Variants in MRTFA observed in about 807,000 individuals in gnomAD.
MRTFA encodes myocardin-related transcription factor A.
MRTFA carries 20 observed loss-of-function variants against 83.5 expected under a neutral mutation model. That is an observed-to-expected ratio of 0.24 (90% confidence interval 0.17 to 0.35). MRTFA has a LOEUF of 0.35. MRTFA is among the 10% of genes least tolerant of loss of function. The pLI is 1.00. For synonymous variants in MRTFA, 659 were observed against 541.2 expected (o/e 1.22, Z -3.02); for missense variants, 1,200 against 1,224.7 (o/e 0.98, Z 0.30).
intron 2 of MRTFA, among the ~76,000 whole-genome samples, chr22:40,576,534 A>T (rs1273146925): frequency 6.6e-6 from 1 of 152,168 alleles, no homozygotes; most frequent in Non-Finnish European, 1.5e-5. Flanking sequence ...AATGCAAGGG[A>T]TTCTAAATCG....
At chr22:40,454,222 G>A (rs1169883063) in intron 4 of MRTFA, among the ~76,000 whole-genome samples, 1 of 152,148 alleles carries the variant, frequency 6.6e-6, no homozygotes, top group Admixed American at 6.5e-5. Flanking sequence ...CAGGCTAAGC[G>A]ATCCTCTTGC....
intron 3 of MRTFA, among the ~76,000 whole-genome samples, chr22:40,542,854 C>T (rs1410326241): frequency 6.6e-6 from 1 of 152,212 alleles, no homozygotes; most frequent in Non-Finnish European, 1.5e-5. Flanking sequence ...TAAAAACACA[C>T]ATTTGCAAGA....
rs1312680404 is a variant in MRTFA, at chr22:40,451,371, C to G, written c.307+11850G>C. On this transcript the variant is annotated intron_variant, in intron 4 of 14. Transcript: ENST00000355630. ...GGAGAAGGGACTGCATATTCTGGGG[C>G]AAGCAACGATCCAAACTAGCAGTCA... Among the ~76,000 whole-genome samples the G allele has an allele frequency of 1.3e-5, 2 of 152,124 alleles. 1 individual carries two copies. Among genetic ancestry groups the G allele is most frequent in the Non-Finnish European group, 2.9e-5 (2 of 68,026 alleles).
At chr22:40,508,513 CAAAAAAAAAAAA>C (rs1175724448) in intron 3 of MRTFA, among the ~76,000 whole-genome samples, 90 of 26,064 alleles carry the variant, frequency 3.5e-3, no homozygotes, top group Admixed American at 0.012. Context: ...CTCCGTCTCT[CAAAAAAAAAAAA>C]AAAAAAAAAA....
Position 40,418,767 on chromosome 22 carries a change from C to T in MRTFA, c.1971G>A (p.Gln657=). 6.4e-7 allele frequency: 1 copy of T among 1,558,410 alleles called. No individual in the cohort carries two copies. Among genetic ancestry groups the T allele is most frequent in the Non-Finnish European group, 8.6e-7 (1 of 1,158,638 alleles). Residue 657 remains glutamine (Q), a synonymous_variant, in exon 12 of 15, where the codon CAG becomes CAA. Transcript: ENST00000355630. ...GGGCGGGCTGCTGGGCTCGCTTCTCCTGCTCCAGCTGCAGCTTGAGCCGCT... is the reference window on the plus strand; with the variant it reads ...GGGCGGGCTGCTGGGCTCGCTTCTCTTGCTCCAGCTGCAGCTTGAGCCGCT...
intron 1 of MRTFA, among the ~76,000 whole-genome samples, chr22:40,633,501 CTTAAA>C (rs1303167953): frequency 6.6e-6 from 1 of 152,154 alleles, no homozygotes; most frequent in Non-Finnish European, 1.5e-5. Context: ...TTTAAATACA[CTTAAA>C]TAAGTATTTA....
chr22:40,522,266 C>T (rs141112752), intron 3 of MRTFA: 105 of 152,308 alleles, frequency 6.9e-4, no homozygotes, highest in African/African-American at 2.4e-3. Flanking sequence ...ACACTCAAAA[C>T]CACTGCTATG....
intron 2 of MRTFA, chr22:40,587,407 G>A: frequency 2.9e-6 from 1 of 345,596 alleles, no homozygotes; most frequent in Non-Finnish European, 5.6e-6. Context: ...CCTTGCGCTG[G>A]ATACGATGGT....
chr22:40,542,649 A>G (rs1449855947), intron 3 of MRTFA, among the ~76,000 whole-genome samples: 1 of 152,218 alleles, frequency 6.6e-6, no homozygotes, highest in Non-Finnish European at 1.5e-5. Flanking sequence ...ATTTTAAAAG[A>G]TATTTATCCA....
intron 1 of MRTFA, among the ~76,000 whole-genome samples, chr22:40,631,046 T>C (rs1003305530): frequency 1.3e-5 from 2 of 152,210 alleles, no homozygotes; most frequent in African/African-American, 2.4e-5. Context: ...AGATACAAGA[T>C]GGTAAGAGAC....
intron 1 of MRTFA, among the ~76,000 whole-genome samples, chr22:40,604,517 G>A (rs1260293909): frequency 2.6e-5 from 4 of 151,956 alleles, no homozygotes; most frequent in Non-Finnish European, 4.4e-5. Context: ...GGGAGACCGA[G>A]GTGGGCAGAT....
intron 1 of MRTFA, among the ~76,000 whole-genome samples, chr22:40,611,136 A>G (rs2056383475): frequency 1.3e-5 from 2 of 151,962 alleles, no homozygotes; most frequent in Non-Finnish European, 2.9e-5. Context: ...AAGGGGTTTC[A>G]GCATGTTGGC....
At chr22:40,554,813 G>C (rs1050214635) in intron 2 of MRTFA, among the ~76,000 whole-genome samples, 1 of 152,230 alleles carries the variant, frequency 6.6e-6, no homozygotes, top group African/African-American at 2.4e-5. Context: ...CCGAATGGTA[G>C]AGCCACCAGC....
At chr22:40,585,175 A>G (rs116641225) in intron 2 of MRTFA, among the ~76,000 whole-genome samples, 1,910 of 152,318 alleles carry the variant, frequency 0.013, 33 homozygotes, top group African/African-American at 0.044. Flanking sequence ...CCAGGCCTCA[A>G]TGCTGCTGAG....
intron 7 of MRTFA, among the ~76,000 whole-genome samples, chr22:40,425,631 G>A (rs1457788452): frequency 6.6e-6 from 1 of 152,190 alleles, no homozygotes; most frequent in Admixed American, 6.5e-5. Context: ...CCCAGCAGGG[G>A]CAAGTATGCA....
intron 3 of MRTFA, among the ~76,000 whole-genome samples, chr22:40,473,248 C>T (rs2053944361): frequency 6.6e-6 from 1 of 152,098 alleles, no homozygotes; most frequent in Non-Finnish European, 1.5e-5. Context: ...CAGCCTTGAC[C>T]CACCAGGCTC....
intron 2 of MRTFA, among the ~76,000 whole-genome samples, chr22:40,552,930 T>C (rs1349298610): frequency 6.6e-6 from 1 of 152,204 alleles, no homozygotes; most frequent in Non-Finnish European, 1.5e-5. Context: ...TAGAGACCTG[T>C]TGAATGCCTT....
chr22:40,500,702 G>C (rs1364855188), intron 3 of MRTFA, among the ~76,000 whole-genome samples: 2 of 150,508 alleles, frequency 1.3e-5, no homozygotes, highest in Non-Finnish European at 3.0e-5. Context: ...GAGAGCACCG[G>C]GTTGGGGGTA....
chr22:40,514,053 A>G (rs2054715070), intron 3 of MRTFA, among the ~76,000 whole-genome samples: 1 of 152,056 alleles, frequency 6.6e-6, no homozygotes, highest in Admixed American at 6.6e-5. Context: ...GTGAAGAGAT[A>G]GAGAACAGAC....
Sources: gnomAD v4.1 joint callset for allele counts (sites outside exome capture counted in the v4.1 genomes callset) on GRCh38, gnomAD v4.1.1 for gene constraint, MANE v1.5 for transcripts, NCBI Gene and HGNC (gene_info 2026-07-23, HGNC 2026-07-21) for gene names.